Variants in KIF13B observed in about 807,000 individuals in gnomAD.
KIF13B encodes the protein kinesin-like protein KIF13B.
In KIF13B, 127 loss-of-function variants were observed where a neutral mutation model predicts 222.0. The ratio of observed to expected loss-of-function variants is 0.57; its 90% CI spans 0.50 to 0.66. The LOEUF (loss-of-function observed/expected upper bound fraction) is 0.66. KIF13B is among the 30% of genes least tolerant of loss of function. KIF13B has a pLI of 0.00. For missense variants in KIF13B, 2,173 were observed against 2,379.0 expected, an observed-to-expected ratio of 0.91 and a Z score of 1.80; for synonymous variants, 976 against 919.0, an observed-to-expected ratio of 1.06 and a Z score of -1.12.
chr8:29,109,857 A>T (rs1809271165), intron 33 of KIF13B, 61 bp downstream of exon 33: 4 of 1,540,136 alleles, frequency 2.6e-6, no homozygotes, highest in Admixed American at 3.6e-5. Flanking sequence ...TACAGAGTCA[A>T]ACACAGACTC....
intron 2 of KIF13B, chr8:29,218,845 C>T (rs1461791995): frequency 6.6e-6 from 1 of 152,234 alleles, no homozygotes. Context: ...GCACTACAGC[C>T]AAGGGAGAGC....
chr8:29,084,699 T>C (rs905530153), intron 37 of KIF13B, among the ~76,000 whole-genome samples: 1 of 152,254 alleles, frequency 6.6e-6, no homozygotes, highest in African/African-American at 2.4e-5. Context: ...AATAGCTTCA[T>C]CTGAACACAA....
chr8:29,165,181 T>C (rs1021382594), intron 12 of KIF13B, among the ~76,000 whole-genome samples: 2 of 152,164 alleles, frequency 1.3e-5, no homozygotes, highest in African/African-American at 4.8e-5. Flanking sequence ...TCACTGTCAC[T>C]AGAAAATGGT....
chr8:29,088,431 A>T (rs769905748), intron 37 of KIF13B, among the ~76,000 whole-genome samples: 1 of 152,178 alleles, frequency 6.6e-6, no homozygotes, highest in African/African-American at 2.4e-5. Context: ...TGGCTCACAT[A>T]TACAATCCTC....
chr8:29,223,635 C>G (rs1814870293), intron 2 of KIF13B, among the ~76,000 whole-genome samples: 1 of 152,142 alleles, frequency 6.6e-6, no homozygotes, highest in Non-Finnish European at 1.5e-5. Flanking sequence ...ATAGTGTATT[C>G]CTCTGGTTAA....
chr8:29,119,936 C>T (rs1336757207), intron 29 of KIF13B, among the ~76,000 whole-genome samples: 1 of 152,196 alleles, frequency 6.6e-6, no homozygotes, highest in African/African-American at 2.4e-5. Flanking sequence ...AAGAAAACCA[C>T]GGAGGACATC....
At chr8:29,183,351 C>T (rs1812798121) in intron 6 of KIF13B, among the ~76,000 whole-genome samples, 1 of 152,058 alleles carries the variant, frequency 6.6e-6, no homozygotes, top group African/African-American at 2.4e-5. Context: ...AGGGTTTTGC[C>T]ATGTTGGCCA....
In KIF13B at chr8:29,072,074, A is replaced by G; in HGVS notation, c.4764T>C (p.Ala1588=). The G allele has an allele frequency of 7.6e-7, 1 of 1,315,898 alleles. No individual in the cohort carries two copies. Among genetic ancestry groups the G allele is most frequent in the Non-Finnish European group, 9.7e-7 (1 of 1,031,194 alleles). 81.5% of individuals were successfully genotyped at this position (1,315,898 alleles called of 1,614,324 possible). Residue 1588 remains alanine (A), a synonymous_variant, in exon 39 of 40, where the codon GCT becomes GCC. Transcript: ENST00000524189. ...LSDALGPGLD[A]AAPPGSMPTA... ...TGGGCATGGACCCCGGCGGGGCCGCAGCGTCCAGGCCGGGGCCCAGGGCGT... is the reference window on the plus strand; with the variant it reads ...TGGGCATGGACCCCGGCGGGGCCGCGGCGTCCAGGCCGGGGCCCAGGGCGT...
chr8:29,201,876 CT>C (rs1398314205), intron 2 of KIF13B, among the ~76,000 whole-genome samples: 1 of 152,222 alleles, frequency 6.6e-6, no homozygotes, highest in Non-Finnish European at 1.5e-5. Context: ...CCCCACTGTA[CT>C]TTCCATACAT....
intron 36 of KIF13B, among the ~76,000 whole-genome samples, chr8:29,098,413 G>C (rs560560924): frequency 1.3e-5 from 2 of 151,492 alleles, no homozygotes; most frequent in East Asian, 3.9e-4. Flanking sequence ...GACCAGCCTG[G>C]CCAACGTGGT....
rs996916674 is a variant in KIF13B, at chr8:29,072,900, C to T, written c.4522-584G>A. 3.9e-5 allele frequency among the ~76,000 whole-genome samples: 6 copies of T among 152,116 alleles called. No homozygotes were observed. The South Asian group carries it at 1.2e-3, about 32-fold the overall frequency. Reference sequence around the variant, plus strand: ...GCCCACCCCCAACCTCACGAAGAGACTGAGTCACTAAAGAGACCAGAAGAG... The same window carrying T: ...GCCCACCCCCAACCTCACGAAGAGATTGAGTCACTAAAGAGACCAGAAGAG... On this transcript the variant is annotated intron_variant, in intron 38 of 39. Coordinates refer to ENST00000524189, the MANE Select transcript of KIF13B (RefSeq NM_015254.4).
In KIF13B at chr8:29,241,475, T is replaced by C. The variant is rs1815774997; in HGVS notation, c.149+3871A>G. The stretch of plus-strand genomic sequence containing the variant: ...AAGCTTATAAACTGGATTAAACCCC[T>C]CAAATTGGGGTCTGAGGACTCTTGG... On this transcript the variant is annotated intron_variant, in intron 2 of 39. Transcript: ENST00000524189. 2.0e-5 allele frequency among the ~76,000 whole-genome samples: 3 copies of C among 152,324 alleles called. No homozygotes were observed. In the South Asian group the frequency reaches 6.2e-4, roughly 32 times the overall value.
intron 2 of KIF13B, among the ~76,000 whole-genome samples, chr8:29,198,660 T>G (rs1225050667): frequency 6.6e-6 from 1 of 152,170 alleles, no homozygotes; most frequent in Non-Finnish European, 1.5e-5. Flanking sequence ...AGATCAACCA[T>G]TTGATCCAGC....
chr8:29,123,650 C>G (rs555974215), intron 27 of KIF13B, among the ~76,000 whole-genome samples, 158 bp from the exon 28 acceptor site: 1 of 152,182 alleles, frequency 6.6e-6, no homozygotes, highest in Non-Finnish European at 1.5e-5. Flanking sequence ...CAGATGGGCT[C>G]CTGCAGAGAG....
chr8:29,187,846 A>G (rs1813009038), intron 5 of KIF13B, among the ~76,000 whole-genome samples: 1 of 152,214 alleles, frequency 6.6e-6, no homozygotes, highest in Non-Finnish European at 1.5e-5. Flanking sequence ...ACAACCCTAC[A>G]AGAAGGTCTA....
chr8:29,151,051 G>C (rs969947957), intron 14 of KIF13B, among the ~76,000 whole-genome samples: 3 of 152,164 alleles, frequency 2.0e-5, no homozygotes, highest in African/African-American at 7.2e-5. Flanking sequence ...CACATGAAAA[G>C]CTCTTGAAGG....
intron 6 of KIF13B, among the ~76,000 whole-genome samples, chr8:29,183,100 G>A (rs761482267): frequency 6.7e-6 from 1 of 150,214 alleles, no homozygotes; most frequent in Non-Finnish European, 1.5e-5. Flanking sequence ...AATCACGAAT[G>A]TGTGTCCACT....
chr8:29,203,332 C>A (rs1251307954), intron 2 of KIF13B, among the ~76,000 whole-genome samples: 4 of 152,206 alleles, frequency 2.6e-5, no homozygotes, highest in African/African-American at 9.7e-5. Flanking sequence ...CTGTCTTGGA[C>A]TCTACAGGCT....
chr8:29,154,589 A>G (rs181245110), intron 14 of KIF13B, among the ~76,000 whole-genome samples: 468 of 152,304 alleles, frequency 3.1e-3, no homozygotes, highest in Non-Finnish European at 4.3e-3. Flanking sequence ...CTAGAACAGA[A>G]TAACGCTGCA....
Sources: allele counts gnomAD v4.1 joint callset (sites outside exome capture counted in the v4.1 genomes callset), GRCh38; gene constraint gnomAD v4.1.1; transcripts MANE v1.5; gene names NCBI Gene and HGNC (gene_info 2026-07-23, HGNC 2026-07-21).